The following SLC11A2 variants were observed in gnomAD, a reference collection of about 807,000 sequenced individuals.
SLC11A2 encodes solute carrier family 11 member 2.
SLC11A2 carries 38 observed loss-of-function variants against 68.0 expected under a neutral mutation model. That is an observed-to-expected ratio of 0.56 (90% CI 0.43 to 0.73). The LOEUF is 0.73. SLC11A2 is among the 30% of genes least tolerant of loss of function. The pLI is 0.00. For missense variants in SLC11A2, 517 were observed against 690.5 expected (o/e 0.75, Z 2.82); for synonymous variants, 242 against 250.6 (o/e 0.97, Z 0.32).
chr12:51,023,982 C>T (rs1944215884), intron 1 of SLC11A2, among the ~76,000 whole-genome samples: 1 of 152,062 alleles, frequency 6.6e-6, no homozygotes, highest in South Asian at 2.1e-4. Flanking sequence ...CAGAGCCAGA[C>T]CTTGTCTTGT....
chr12:50,998,506 T>C (rs1163364469), intron 8 of SLC11A2, among the ~76,000 whole-genome samples: 1 of 152,222 alleles, frequency 6.6e-6, no homozygotes, highest in Non-Finnish European at 1.5e-5. Flanking sequence ...AATGAGAGAC[T>C]CATCCTTAAA....
chr12:51,011,625 C>A (rs1943246636), intron 1 of SLC11A2, among the ~76,000 whole-genome samples: 1 of 145,124 alleles, frequency 6.9e-6, no homozygotes, highest in African/African-American at 2.5e-5. Context: ...TGCAGTGGCA[C>A]GATCTCAGCT....
At chr12:50,972,097 T>C in the SLC11A2 span, among the ~76,000 whole-genome samples, 1 of 152,214 alleles carries the variant, frequency 6.6e-6, no homozygotes, top group African/African-American at 2.4e-5. Flanking sequence ...ATATGTTCCA[T>C]TAAGGTCAGG....
downstream of SLC11A2, among the ~76,000 whole-genome samples, chr12:50,976,442 GC>G (rs1378207473): frequency 6.6e-6 from 1 of 152,086 alleles, no homozygotes; most frequent in Non-Finnish European, 1.5e-5. Flanking sequence ...AAATTCAATA[GC>G]CCTTCATGCT....
Position 51,026,368 on chromosome 12 carries a change from G to A in SLC11A2, c.-97C>T. On this transcript the variant is annotated 5_prime_UTR_variant, in exon 1 of 16. Coordinates refer to ENST00000262052, the MANE Select transcript of SLC11A2 (RefSeq NM_000617.3). Reference sequence around the variant, plus strand: ...CCCGCGCCCAGGGCTCCATATTCCGGGAGCCAGCGCCACGCTGGCTAACGC... The same window carrying A: ...CCCGCGCCCAGGGCTCCATATTCCGAGAGCCAGCGCCACGCTGGCTAACGC... 1 of 1,282,262 alleles carries A rather than the reference G, an allele frequency of 7.8e-7. No individual in the cohort carries two copies. The highest frequency in any genetic ancestry group is 1.0e-6 in the Non-Finnish European group (1 of 984,850). 79.4% of individuals were successfully genotyped at this position (1,282,262 alleles called of 1,614,324 possible). A position where few individuals can be genotyped will look rare whatever the true frequency, so the allele number is the denominator to read the frequency against.
Position 51,016,796 on chromosome 12 carries a change from G to A in SLC11A2, c.-38-6030C>T, listed in dbSNP as rs183402213. 5.0e-3 allele frequency among the ~76,000 whole-genome samples: 735 copies of A among 147,742 alleles called. 6 individuals carry two copies. Among genetic ancestry groups the A allele is most frequent in the African/African-American group, 0.017 (697 of 39,968 alleles). ...TGGGAGGCGGAGGTTGCAATAAGCC[G>A]AGATCGCGCCACTGCACTCCAGCCT... On this transcript the variant is annotated intron_variant, in intron 1 of 15. Coordinates refer to ENST00000262052, the MANE Select transcript of SLC11A2 (RefSeq NM_000617.3).
intron 1 of SLC11A2, among the ~76,000 whole-genome samples, chr12:51,019,934 C>T (rs1280679114): frequency 6.6e-6 from 1 of 152,122 alleles, no homozygotes; most frequent in Non-Finnish European, 1.5e-5. Context: ...TATGAGCTAC[C>T]ATGCCCAGCC....
the SLC11A2 span, among the ~76,000 whole-genome samples, chr12:50,956,209 T>C: frequency 6.6e-6 from 1 of 152,188 alleles, no homozygotes; most frequent in Non-Finnish European, 1.5e-5. Flanking sequence ...CTGGCTAATG[T>C]GGTGAAACCC....
chr12:50,988,381 C>G lies in SLC11A2; in HGVS notation c.1630G>C (p.Val544Leu). ...GTCAGCAGGCCTTTAGAGATGCTTA[C>G]CGTATGCCCACAGTCCAGGAAGGAC... is the stretch of plus-strand genomic sequence containing the variant. ...GMSFLDCGHT[V>L]SISKGLLTEE... is the part of the protein sequence containing the mutation. Residue 544 changes from valine (V) to leucine (L), a missense_variant, in exon 16 of 16, where the codon GTA becomes CTA. Physicochemically the swap from Val to Leu is conservative, Grantham distance 32. Transcript: ENST00000262052. The G allele has an allele frequency of 6.2e-7, 1 of 1,614,048 alleles. No homozygotes were observed. Among genetic ancestry groups the G allele is most frequent in the Non-Finnish European group, 8.5e-7 (1 of 1,179,938 alleles).
chr12:51,026,716 G>A (rs1035391266), upstream of SLC11A2, among the ~76,000 whole-genome samples: 2 of 152,114 alleles, frequency 1.3e-5, no homozygotes, highest in African/African-American at 4.8e-5. Flanking sequence ...ATCAAGCTAC[G>A]AGGTATAGCT....
chr12:50,952,673 C>T, the SLC11A2 span, among the ~76,000 whole-genome samples: 1 of 152,172 alleles, frequency 6.6e-6, no homozygotes, highest in Non-Finnish European at 1.5e-5. Context: ...GTGTGCAGCT[C>T]GAGGCTTTGC....
chr12:51,012,618 T>C (rs1943323574), intron 1 of SLC11A2, among the ~76,000 whole-genome samples: 1 of 152,242 alleles, frequency 6.6e-6, no homozygotes, highest in Non-Finnish European at 1.5e-5. Flanking sequence ...ACCAACATAT[T>C]CTGTACTTAT....
Position 50,996,886 on chromosome 12 carries a change from T to C in SLC11A2, c.762A>G (p.Glu254=). ...CAGCTCCCACGATGCCCACAGCCTGTTCAATCTGTGGAGTGCGACAGCCTG... is the reference window on the plus strand; with the variant it reads ...CAGCTCCCACGATGCCCACAGCCTGCTCAATCTGTGGAGTGCGACAGCCTG... ...SCSGCRTPQI[E]QAVGIVGAVI... The change falls in exon 9 of 16, where the codon GAA becomes GAG. Residue 254 remains glutamate, a synonymous_variant. Coordinates refer to ENST00000262052, the MANE Select transcript of SLC11A2 (RefSeq NM_000617.3). 1 of 1,613,956 alleles carries C rather than the reference T, an allele frequency of 6.2e-7. No individual in the cohort carries two copies. The highest frequency in any genetic ancestry group is 8.5e-7 in the Non-Finnish European group (1 of 1,179,896).
At chr12:51,011,804 G>A (rs1190798558) in intron 1 of SLC11A2, among the ~76,000 whole-genome samples, 1 of 151,340 alleles carries the variant, frequency 6.6e-6, no homozygotes, top group Non-Finnish European at 1.5e-5. Context: ...CTCATGATCC[G>A]CCCACCCCAC....
chr12:50,974,329 A>G, the SLC11A2 span, among the ~76,000 whole-genome samples: 4 of 152,346 alleles, frequency 2.6e-5, no homozygotes, highest in South Asian at 8.3e-4. Flanking sequence ...AGTGGGGGCC[A>G]ATATTCAGCA....
Position 51,004,844 on chromosome 12 carries a change from G to A in SLC11A2, c.373C>T (p.Leu125=), listed in dbSNP as rs771848067. The A allele has an allele frequency of 4.3e-6, 7 of 1,613,962 alleles. No individual in the cohort carries two copies. In the African/African-American group the frequency reaches 9.3e-5, roughly 22 times the overall value. ...AGATGCAGCCCAGTAACCACTCCCA[G>A]TCTAGCTGCAAGCCGCTGGAGCAGC... ...GLLLQRLAAR[L]GVVTGLHLAE... is the part of the protein sequence containing the mutation. The change falls in exon 5 of 16, where the codon CTG becomes TTG. Residue 125 remains leucine, a synonymous_variant. Coordinates refer to ENST00000262052, the MANE Select transcript of SLC11A2 (RefSeq NM_000617.3).
chr12:51,022,343 G>A (rs191251595), intron 1 of SLC11A2, among the ~76,000 whole-genome samples: 177 of 151,014 alleles, frequency 1.2e-3, no homozygotes, highest in African/African-American at 4.0e-3. Flanking sequence ...AGGCTGAGGC[G>A]GGAGGATTGC....
intron 1 of SLC11A2, among the ~76,000 whole-genome samples, chr12:51,011,836 A>G (rs1201865757): frequency 2.0e-5 from 3 of 152,152 alleles, no homozygotes; most frequent in African/African-American, 7.2e-5. Flanking sequence ...CTGGGATTAC[A>G]GGCATGAGCC....
chr12:51,003,107 G>C (rs1446876173), intron 5 of SLC11A2, among the ~76,000 whole-genome samples: 1 of 150,306 alleles, frequency 6.7e-6, no homozygotes, highest in African/African-American at 2.5e-5. Flanking sequence ...ATGGTGGCAG[G>C]CACCTGTAAT....
Sources: allele counts gnomAD v4.1 joint callset (sites outside exome capture counted in the v4.1 genomes callset), GRCh38; gene constraint gnomAD v4.1.1; transcripts MANE v1.5; gene names NCBI Gene and HGNC (gene_info 2026-07-23, HGNC 2026-07-21).